The following NPAS3 variants were observed in gnomAD, a reference collection of about 807,000 sequenced individuals.
The protein encoded by NPAS3 is neuronal PAS domain protein 3, also known as neuronal PAS domain-containing protein 3.
NPAS3 carries 14 observed loss-of-function variants against 73.1 expected under a neutral mutation model. The observed-to-expected ratio is 0.19, with a 90% CI of 0.13 to 0.30. The LOEUF (loss-of-function observed/expected upper bound fraction) is 0.30. Among genes scored for constraint, NPAS3 ranks in the 10% least tolerant of loss-of-function variants. The pLI is 1.00. For synonymous variants in NPAS3, 620 were observed against 541.5 expected (o/e 1.14, Z -2.01); for missense variants, 1,096 against 1,250.0 (o/e 0.88, Z 1.86).
intron 1 of NPAS3, among the ~76,000 whole-genome samples, chr14:32,947,258 C>A (rs1286298864): frequency 2.0e-5 from 3 of 152,068 alleles, no homozygotes; most frequent in South Asian, 4.1e-4. Context: ...AGTAACACTG[C>A]GGAAAAGGAT....
intron 7 of NPAS3, among the ~76,000 whole-genome samples, chr14:33,744,242 A>G (rs1340932835): frequency 6.6e-6 from 1 of 152,168 alleles, no homozygotes; most frequent in Non-Finnish European, 1.5e-5. Context: ...TTCCTTTCAC[A>G]TGAACACTTA....
intron 11 of NPAS3, among the ~76,000 whole-genome samples, chr14:33,798,373 AT>A (rs2063575413): frequency 6.6e-6 from 1 of 152,066 alleles, no homozygotes; most frequent in Non-Finnish European, 1.5e-5. Context: ...AACTTGTAGG[AT>A]TTTTACAGCT....
At chr14:33,260,321 T>C (rs928046190) in intron 3 of NPAS3, among the ~76,000 whole-genome samples, 4 of 152,028 alleles carry the variant, frequency 2.6e-5, no homozygotes, top group Admixed American at 1.3e-4. Flanking sequence ...CCTCTCTCCC[T>C]GGTCAACTTT....
In NPAS3 at chr14:33,243,988, A is replaced by G. The variant is rs558849524; in HGVS notation, c.385+28562A>G. On this transcript the variant is annotated intron_variant, in intron 3 of 11. Transcript: ENST00000356141. ...TTAGAAAGGAATAAAATAATGTGAAAGCTTCTTTTTCTAGAAGGCTTCCCA... is the reference window on the plus strand; with the variant it reads ...TTAGAAAGGAATAAAATAATGTGAAGGCTTCTTTTTCTAGAAGGCTTCCCA... Among the ~76,000 whole-genome samples the G allele has an allele frequency of 2.0e-5, 3 of 152,286 alleles. No individual in the cohort carries two copies. The South Asian group carries it at 6.2e-4, about 32-fold the overall frequency.
At chr14:33,234,903 C>T (rs780531853) in intron 3 of NPAS3, among the ~76,000 whole-genome samples, 2 of 152,038 alleles carry the variant, frequency 1.3e-5, no homozygotes, top group Non-Finnish European at 2.9e-5. Flanking sequence ...TTGCTCATGA[C>T]GCTTTCTGAC....
intron 1 of NPAS3, among the ~76,000 whole-genome samples, chr14:32,975,220 A>T (rs1239718230): frequency 1.3e-5 from 2 of 151,172 alleles, no homozygotes; most frequent in Non-Finnish European, 3.0e-5. Flanking sequence ...TTGCATTAAC[A>T]GTTGGCTGAT....
intron 5 of NPAS3, among the ~76,000 whole-genome samples, chr14:33,596,096 C>T (rs181049283): frequency 2.6e-5 from 4 of 152,300 alleles, no homozygotes; most frequent in East Asian, 3.9e-4. Flanking sequence ...AGGAAGTGTA[C>T]GTGAAATCAA....
intron 4 of NPAS3, among the ~76,000 whole-genome samples, chr14:33,404,524 T>C (rs1439245853): frequency 6.6e-6 from 1 of 152,108 alleles, no homozygotes; most frequent in African/African-American, 2.4e-5. Context: ...CTAATATTTG[T>C]TTTATTTTAG....
chr14:33,118,583 T>C (rs1309353409), intron 2 of NPAS3, among the ~76,000 whole-genome samples: 1 of 152,144 alleles, frequency 6.6e-6, no homozygotes, highest in Non-Finnish European at 1.5e-5. Flanking sequence ...GTTATAAATA[T>C]GCTTCTTATT....
At position 33,360,022 on chromosome 14, in the gene NPAS3, G is replaced by C. The variant is rs140314877; in HGVS notation, c.386-7164G>C. ...TTACGTCAAGAATGTGTTCAGGCTT[G>C]GAGCCTGGACAGGGATCTGTGCTAC... On this transcript the variant is annotated intron_variant, in intron 3 of 11. Transcript: ENST00000356141. Among the ~76,000 whole-genome samples, 4 of 152,324 alleles carry C rather than the reference G, an allele frequency of 2.6e-5. 1 individual carries two copies. Among genetic ancestry groups the C allele is most frequent in the African/African-American group, 9.6e-5 (4 of 41,570 alleles).
intron 4 of NPAS3, among the ~76,000 whole-genome samples, chr14:33,474,289 A>G (rs555662928): frequency 2.8e-4 from 42 of 152,190 alleles, no homozygotes; most frequent in Non-Finnish European, 5.0e-4. Flanking sequence ...TAGAAGTTTG[A>G]CCATAAATAT....
chr14:33,186,406 T>C (rs548971976), intron 2 of NPAS3, among the ~76,000 whole-genome samples: 7 of 152,330 alleles, frequency 4.6e-5, no homozygotes, highest in Non-Finnish European at 8.8e-5. Context: ...TTAAAGTGAA[T>C]CTTTTTGCAT....
chr14:33,413,794 A>G (rs956414423), intron 4 of NPAS3, among the ~76,000 whole-genome samples: 2 of 152,182 alleles, frequency 1.3e-5, no homozygotes, highest in Non-Finnish European at 2.9e-5. Flanking sequence ...TGCCTCATCT[A>G]AATTCTACCC....
At chr14:33,275,908 G>A (rs1322907076) in intron 3 of NPAS3, among the ~76,000 whole-genome samples, 1 of 152,098 alleles carries the variant, frequency 6.6e-6, no homozygotes, top group East Asian at 1.9e-4. Flanking sequence ...ATAAATATAT[G>A]CTCTATAACT....
intron 9 of NPAS3, among the ~76,000 whole-genome samples, chr14:33,789,886 G>A (rs1437669080): frequency 6.6e-6 from 1 of 152,152 alleles, no homozygotes; most frequent in Non-Finnish European, 1.5e-5. Context: ...ACCGCGCCCG[G>A]CCTAGAGTAC....
intron 3 of NPAS3, among the ~76,000 whole-genome samples, chr14:33,229,021 T>C (rs1319786322): frequency 6.6e-6 from 1 of 152,172 alleles, no homozygotes; most frequent in Non-Finnish European, 1.5e-5. Flanking sequence ...ATAAATATAG[T>C]TAAATATTTG....
chr14:33,106,548 T>C (rs1425433544), intron 2 of NPAS3, among the ~76,000 whole-genome samples: 1 of 152,196 alleles, frequency 6.6e-6, no homozygotes, highest in East Asian at 1.9e-4. Context: ...AGTGGTTGAC[T>C]AATCAGTTGA....
At chr14:33,773,324 G>A (rs1322856470) in intron 7 of NPAS3, among the ~76,000 whole-genome samples, 1 of 152,162 alleles carries the variant, frequency 6.6e-6, no homozygotes, top group Non-Finnish European at 1.5e-5. Context: ...AATCATGGCA[G>A]TTACCTCTAT....
intron 4 of NPAS3, among the ~76,000 whole-genome samples, chr14:33,552,513 G>A (rs962928250): frequency 2.0e-4 from 30 of 151,978 alleles, no homozygotes; most frequent in African/African-American, 5.8e-4. Flanking sequence ...TATGATGTCC[G>A]ATAACAATAA....
Sources: gnomAD v4.1 joint callset for allele counts (sites outside exome capture counted in the v4.1 genomes callset) on GRCh38, gnomAD v4.1.1 for gene constraint, MANE v1.5 for transcripts, NCBI Gene and HGNC (gene_info 2026-07-23, HGNC 2026-07-21) for gene names.